The following MGA variants were observed in gnomAD, a reference collection of about 807,000 sequenced individuals.
MGA encodes MAX dimerization protein MGA, also known as MAX gene-associated protein.
MGA carries 40 observed loss-of-function variants against 261.1 expected under a neutral mutation model. The observed-to-expected ratio is 0.15, with a 90% CI of 0.12 to 0.20. MGA has a LOEUF of 0.20. Ranked by LOEUF, MGA falls within the 10% of genes least tolerant of loss-of-function variation. The probability of loss-of-function intolerance (pLI) is 1.00; values close to 1 mark genes in which losing one functional copy is unlikely to be tolerated. For synonymous variants in MGA, 1,302 were observed against 1,290.6 expected (o/e 1.01, Z -0.19); for missense variants, 3,397 against 3,630.5 (o/e 0.94, Z 1.65).
At chr15:41,699,588 G>A (rs1195157510) in intron 5 of MGA, among the ~76,000 whole-genome samples, 1 of 152,138 alleles carries the variant, frequency 6.6e-6, no homozygotes, top group African/African-American at 2.4e-5. Flanking sequence ...TGCAAGCTCC[G>A]CCTCCTGGGT....
At chr15:41,676,694 A>C (rs1379159556) in intron 2 of MGA, among the ~76,000 whole-genome samples, 1 of 152,214 alleles carries the variant, frequency 6.6e-6, no homozygotes, top group Non-Finnish European at 1.5e-5. Context: ...ATAATGCTTC[A>C]GTAAAATTTC....
rs2059540120 is a variant in MGA, at chr15:41,696,065, C to T, written c.1065-10C>T. On this transcript the variant is annotated splice_polypyrimidine_tract_variant and intron_variant, in intron 2 of 23. Transcript: ENST00000219905. ...TACTTTTAAAATCCCTTTCTCCTCTCTCTCTCCAGTCTTATTGCCAGCAGT... is the reference window on the plus strand; with the variant it reads ...TACTTTTAAAATCCCTTTCTCCTCTTTCTCTCCAGTCTTATTGCCAGCAGT... 6.4e-7 allele frequency: 1 copy of T among 1,565,634 alleles called. No individual in the cohort carries two copies. The highest frequency in any genetic ancestry group is 1.4e-5 in the African/African-American group (1 of 72,952).
chr15:41,745,383 A>G (rs187492921), intron 15 of MGA, among the ~76,000 whole-genome samples: 7 of 151,208 alleles, frequency 4.6e-5, no homozygotes, highest in Admixed American at 4.6e-4. Context: ...ACTGGAAACT[A>G]TAATAATTAA....
intron 20 of MGA, among the ~76,000 whole-genome samples, chr15:41,760,969 CTA>C (rs1596013427): frequency 6.6e-6 from 1 of 152,188 alleles, no homozygotes; most frequent in African/African-American, 2.4e-5. Flanking sequence ...CGGGGTTTCT[CTA>C]TGTTGGTCAG....
intron 9 of MGA, among the ~76,000 whole-genome samples, chr15:41,717,217 C>G (rs1194671845): frequency 1.3e-5 from 2 of 152,148 alleles, no homozygotes; most frequent in African/African-American, 4.8e-5. Flanking sequence ...ACTTTTATCA[C>G]CTGCTTATCC....
intron 1 of MGA, among the ~76,000 whole-genome samples, chr15:41,640,359 T>C (rs144401145): frequency 9.2e-5 from 14 of 152,298 alleles, no homozygotes; most frequent in African/African-American, 3.4e-4. Context: ...TGCTCATTGT[T>C]TGTCTTAGAG....
chr15:41,683,074 C>G (rs1383686232), intron 2 of MGA, among the ~76,000 whole-genome samples: 1 of 152,102 alleles, frequency 6.6e-6, no homozygotes, highest in East Asian at 1.9e-4. Context: ...TCCCGGTTTC[C>G]TGTTGAGAAG....
chr15:41,629,829 A>G (rs561095034), intron 1 of MGA, among the ~76,000 whole-genome samples: 1 of 152,336 alleles, frequency 6.6e-6, no homozygotes, highest in African/African-American at 2.4e-5. Context: ...GATATCATAG[A>G]GTGGAATAGA....
At chr15:41,752,623 C>T (rs1412827962) in intron 17 of MGA, among the ~76,000 whole-genome samples, 5 of 143,152 alleles carry the variant, frequency 3.5e-5, no homozygotes, top group South Asian at 2.2e-4. Context: ...GGTGCCATCT[C>T]GGCTCACTGC....
intron 9 of MGA, among the ~76,000 whole-genome samples, chr15:41,716,646 TA>T (rs989060946): frequency 6.6e-6 from 1 of 151,768 alleles, no homozygotes; most frequent in African/African-American, 2.4e-5. Flanking sequence ...AAACTGAGGG[TA>T]AAAAAAAGTA....
chr15:41,696,976 G>T lies in MGA; in HGVS notation c.1966G>T (p.Asp656Tyr). ...GAGTACCTTTCCAGATGTGAAGCCT[G>T]ATCTGGAAGATGTGGATGGTGTTCT... Residue 656 changes from aspartate (D) to tyrosine (Y), a missense_variant, in exon 3 of 24, where the codon GAT (aspartate) becomes TAT (tyrosine). By Grantham distance (160) the Asp-to-Tyr change is radical. Transcript: ENST00000219905. The T allele has an allele frequency of 6.3e-7, 1 of 1,594,246 alleles. No individual in the cohort carries two copies. Among genetic ancestry groups the T allele is most frequent in the Admixed American group, 1.8e-5 (1 of 55,388 alleles).
rs949447741 is a variant in MGA, at chr15:41,765,894, T to C, written c.7922-110T>C. On this transcript the variant is annotated intron_variant, in intron 23 of 23. Coordinates refer to ENST00000219905, the MANE Select transcript of MGA (RefSeq NM_001164273.2). ...CATCTTTTTGATAAAAGTAGAGTGC[T>C]GAATTTAGACTACAAATCCCTAAGA... 11 of 867,218 alleles carry C rather than the reference T, an allele frequency of 1.3e-5. No individual in the cohort carries two copies. In the African/African-American group the frequency reaches 1.9e-4, roughly 15 times the overall value. The allele number at this position is 867,218 out of a possible 1,614,324, so 53.7% of individuals were successfully genotyped here.
At chr15:41,678,628 A>C (rs1178919536) in intron 2 of MGA, among the ~76,000 whole-genome samples, 15 of 151,524 alleles carry the variant, frequency 9.9e-5, no homozygotes, top group Non-Finnish European at 2.2e-4. Context: ...TTATCCGGGC[A>C]TGGTGGCGCA....
At chr15:41,711,899 T>C (rs2060406730) in intron 8 of MGA, among the ~76,000 whole-genome samples, 1 of 152,090 alleles carries the variant, frequency 6.6e-6, no homozygotes, top group Admixed American at 6.6e-5. Context: ...TTTCGCCATG[T>C]TAGTTAGACT....
rs370684330 is a variant in MGA at position 41,766,011 on chromosome 15, C to T, written c.7929C>T (p.Asp2643=). ...TTAATTTTTGTTTTTCAGAAAATGA[C>T]GACTTATTTATGATGCCACGAATTG... The change falls in exon 24 of 24, where the codon GAC becomes GAT. Residue 2643 remains aspartate, a synonymous_variant. Coordinates refer to ENST00000219905, the MANE Select transcript of MGA (RefSeq NM_001164273.2). 6.4e-5 allele frequency: 102 copies of T among 1,593,764 alleles called. No homozygotes were observed. The highest frequency in any genetic ancestry group is 7.8e-5 in the Non-Finnish European group (91 of 1,170,858).
chr15:41,685,493 C>A (rs1028894887), intron 2 of MGA, among the ~76,000 whole-genome samples: 1 of 152,090 alleles, frequency 6.6e-6, no homozygotes, highest in Non-Finnish European at 1.5e-5. Context: ...TGTGAAAAAA[C>A]CCGCTGGAAT....
intron 2 of MGA, among the ~76,000 whole-genome samples, chr15:41,675,757 AT>A (rs2058341280): frequency 1.3e-5 from 2 of 151,930 alleles, no homozygotes; most frequent in East Asian, 3.9e-4. Flanking sequence ...CCCCTTTTGT[AT>A]GTTTACCTAT....
At chr15:41,632,380 T>A (rs1212519341) in intron 1 of MGA, among the ~76,000 whole-genome samples, 1 of 152,108 alleles carries the variant, frequency 6.6e-6, no homozygotes, top group Non-Finnish European at 1.5e-5. Context: ...GCATGCACAA[T>A]AGAAAAAGCT....
chr15:41,675,111 A>G, intron 2 of MGA, among the ~76,000 whole-genome samples: 1 of 152,170 alleles, frequency 6.6e-6, no homozygotes, highest in African/African-American at 2.4e-5. Context: ...ACTTTCTTAC[A>G]CGTGTCTTTG....
Sources: gnomAD v4.1 joint callset for allele counts (sites outside exome capture counted in the v4.1 genomes callset) on GRCh38, gnomAD v4.1.1 for gene constraint, MANE v1.5 for transcripts, NCBI Gene and HGNC (gene_info 2026-07-23, HGNC 2026-07-21) for gene names.